RELN: variants seen among roughly 807,000 people sequenced by gnomAD.
RELN encodes the protein reelin.
Under a neutral mutation model 427.6 loss-of-function variants are expected in RELN, and 108 were observed. That is an observed-to-expected ratio of 0.25 (90% CI 0.22 to 0.30). The LOEUF (loss-of-function observed/expected upper bound fraction) is 0.30, where lower values mean the gene tolerates loss of function less well. RELN is among the 10% of genes least tolerant of loss of function. The pLI is 1.00. For synonymous variants in RELN, 1,524 were observed against 1,513.4 expected (o/e 1.01, Z -0.16); for missense variants, 3,715 against 4,302.8 (o/e 0.86, Z 3.82).
intron 3 of RELN, among the ~76,000 whole-genome samples, chr7:103,822,136 A>C (rs1793030372): frequency 6.6e-6 from 1 of 152,076 alleles, no homozygotes; most frequent in African/African-American, 2.4e-5. Flanking sequence ...TATGTGGCTT[A>C]CATTTTTTTA....
At position 103,799,347 on chromosome 7, in the gene RELN, T is replaced by G. The variant is rs184853571; in HGVS notation, c.474-22720A>C. 9.9e-4 allele frequency among the ~76,000 whole-genome samples: 150 copies of G among 152,260 alleles called. 1 individual carries two copies. Among genetic ancestry groups the G allele is most frequent in the African/African-American group, 3.5e-3 (146 of 41,554 alleles). On this transcript the variant is annotated intron_variant, in intron 3 of 64. Transcript: ENST00000428762. ...CTAGTTACATAGGATGCTACTACAATTAGAACCATGGCAAAGTGATACTGC... is the reference window on the plus strand; with the variant it reads ...CTAGTTACATAGGATGCTACTACAAGTAGAACCATGGCAAAGTGATACTGC...
chr7:103,900,643 A>T (rs1385054427), intron 2 of RELN, among the ~76,000 whole-genome samples: 4 of 151,742 alleles, frequency 2.6e-5, no homozygotes, highest in Admixed American at 2.0e-4. Flanking sequence ...GTTATCTGCA[A>T]ATACAGACCA....
At chr7:103,731,518 C>T (rs112822998) in intron 6 of RELN, among the ~76,000 whole-genome samples, 11 of 152,064 alleles carry the variant, frequency 7.2e-5, no homozygotes, top group African/African-American at 2.2e-4. Context: ...TTAGACGATG[C>T]TAGAACTGAG....
At chr7:103,485,628 T>C (rs1028783628) in intron 61 of RELN, among the ~76,000 whole-genome samples, 2 of 152,188 alleles carry the variant, frequency 1.3e-5, no homozygotes, top group African/African-American at 4.8e-5. Context: ...CCTTCTTATG[T>C]CTTTGTCAGT....
At chr7:103,709,961 A>T (rs1443719801) in intron 8 of RELN, among the ~76,000 whole-genome samples, 1 of 152,224 alleles carries the variant, frequency 6.6e-6, no homozygotes, top group African/African-American at 2.4e-5. Context: ...TTTGAAAGGG[A>T]AAGTTGAGGC....
At chr7:103,970,154 T>C (rs1447743061) in intron 1 of RELN, among the ~76,000 whole-genome samples, 3 of 151,824 alleles carry the variant, frequency 2.0e-5, no homozygotes, top group East Asian at 3.9e-4. Context: ...TCCTTTTTTT[T>C]TTTTTAGAGA....
intron 31 of RELN, among the ~76,000 whole-genome samples, chr7:103,570,624 G>A (rs1211097078): frequency 6.6e-6 from 1 of 152,184 alleles, no homozygotes; most frequent in East Asian, 1.9e-4. Flanking sequence ...TGCCCCACTG[G>A]TTCTTCACTC....
At chr7:103,834,466 A>C (rs1793352337) in intron 2 of RELN, among the ~76,000 whole-genome samples, 1 of 152,196 alleles carries the variant, frequency 6.6e-6, no homozygotes, top group Non-Finnish European at 1.5e-5. Context: ...GCTCATGTTC[A>C]AAATGAGAAC....
At chr7:103,645,254 A>T (rs939295621) in intron 16 of RELN, among the ~76,000 whole-genome samples, 1 of 151,878 alleles carries the variant, frequency 6.6e-6, no homozygotes, top group African/African-American at 2.4e-5. Context: ...AACTAACATT[A>T]TAACAGGAAT....
In RELN at chr7:103,803,641, G is replaced by A. The variant is rs140083679; in HGVS notation, c.474-27014C>T. On this transcript the variant is annotated intron_variant, in intron 3 of 64. Coordinates refer to ENST00000428762, the MANE Select transcript of RELN (RefSeq NM_005045.4). Reference sequence around the variant, plus strand: ...CTTGTTATCAAGTTGCTTAGAGATTGAAATTATATACTCAGCTTCTAAGGG... The same window carrying A: ...CTTGTTATCAAGTTGCTTAGAGATTAAAATTATATACTCAGCTTCTAAGGG... Among the ~76,000 whole-genome samples, 178 of 152,210 alleles carry A rather than the reference G, an allele frequency of 1.2e-3. 3 individuals carry two copies. The highest frequency in any genetic ancestry group is 4.1e-3 in the African/African-American group (170 of 41,560).
At chr7:103,724,193 T>C in intron 7 of RELN, among the ~76,000 whole-genome samples, 1 of 151,166 alleles carries the variant, frequency 6.6e-6, no homozygotes. Flanking sequence ...CGTTGTTTTG[T>C]TTTTTTTGAG....
intron 2 of RELN, among the ~76,000 whole-genome samples, chr7:103,913,904 A>G (rs897920232): frequency 3.9e-5 from 6 of 152,178 alleles, no homozygotes; most frequent in African/African-American, 1.4e-4. Flanking sequence ...CTACCTATAC[A>G]TCCATATAAA....
rs889984899 is a variant in RELN, at chr7:103,498,191, T to C, written c.8729A>G (p.Glu2910Gly). ...ACACTCAGTGCAAGTACTTCCACCTTCTAAGGACATCCATAAGTCAGGTTT... is the reference window on the plus strand; with the variant it reads ...ACACTCAGTGCAAGTACTTCCACCTCCTAAGGACATCCATAAGTCAGGTTT... ...EIKPDLWMSL[E>G]GGSTCTECGI... The change falls in exon 54 of 65, where the codon GAA becomes GGA. Residue 2910 changes from glutamate (E) to glycine (G), a missense_variant. Coordinates refer to ENST00000428762, the MANE Select transcript of RELN (RefSeq NM_005045.4). 5 of 1,613,916 alleles carry C rather than the reference T, an allele frequency of 3.1e-6. No individual in the cohort carries two copies. The African/African-American group carries it at 4.0e-5, about 13-fold the overall frequency.
At chr7:103,642,307 T>C (rs950263985) in intron 16 of RELN, among the ~76,000 whole-genome samples, 1 of 150,910 alleles carries the variant, frequency 6.6e-6, no homozygotes, top group South Asian at 2.1e-4. Context: ...TTCTGTGACA[T>C]AATTCTAGAA....
chr7:103,491,676 A>G (rs1446537698), intron 58 of RELN, among the ~76,000 whole-genome samples: 1 of 152,100 alleles, frequency 6.6e-6, no homozygotes, highest in Non-Finnish European at 1.5e-5. Flanking sequence ...CTAAAAATAC[A>G]AAATAAGCTG....
intron 1 of RELN, among the ~76,000 whole-genome samples, chr7:103,949,022 C>CAAA (rs66678362): frequency 0.012 from 1,065 of 88,512 alleles, 23 homozygotes; most frequent in African/African-American, 0.039. Context: ...ACATTGTCTC[C>CAAA]AAAAAAAAAA....
chr7:103,598,131 G>A (rs1831581681), intron 24 of RELN, among the ~76,000 whole-genome samples: 1 of 152,048 alleles, frequency 6.6e-6, no homozygotes, highest in Admixed American at 6.6e-5. Flanking sequence ...AAATAACTGG[G>A]GTTAATTAAA....
At chr7:103,622,144 C>A (rs1832235323) in intron 20 of RELN, among the ~76,000 whole-genome samples, 1 of 152,208 alleles carries the variant, frequency 6.6e-6, no homozygotes, top group Admixed American at 6.5e-5. Flanking sequence ...TGGTCTGTCT[C>A]CTTACTTCTG....
chr7:103,832,559 G>C (rs748980946), intron 3 of RELN, among the ~76,000 whole-genome samples: 2 of 152,160 alleles, frequency 1.3e-5, no homozygotes. Flanking sequence ...AAAATGCTAT[G>C]GGTGGAAAAA....
Sources: gnomAD v4.1 joint callset for allele counts (sites outside exome capture counted in the v4.1 genomes callset) on GRCh38, gnomAD v4.1.1 for gene constraint, MANE v1.5 for transcripts, NCBI Gene and HGNC (gene_info 2026-07-23, HGNC 2026-07-21) for gene names.